Variants in WWC1 observed in about 807,000 individuals in gnomAD.
WWC1 encodes protein KIBRA.
WWC1 carries 55 observed loss-of-function variants against 138.4 expected under a neutral mutation model. The ratio of observed to expected loss-of-function variants is 0.40; its 90% CI spans 0.32 to 0.50. The LOEUF is 0.50. Ranked by LOEUF, WWC1 falls within the 20% of genes least tolerant of loss-of-function variation. The probability of loss-of-function intolerance (pLI) is 0.72; values close to 1 mark genes in which losing one functional copy is unlikely to be tolerated. For missense variants in WWC1, 1,226 were observed against 1,420.4 expected, an observed-to-expected ratio of 0.86 and a Z score of 2.20; for synonymous variants, 524 against 564.9, an observed-to-expected ratio of 0.93 and a Z score of 1.03.
At position 168,431,348 on chromosome 5, in the gene WWC1, G is replaced by A. The variant is rs1781920408; in HGVS notation, c.2184G>A (p.Glu728=). ...LDASDTLVFN[E]VFWVSMSYPA... ...CCTCAGACACTCTAGTGTTCAATGA[G>A]GTGTTCTGGGTATCCATGTCCTATC... The change falls in exon 15 of 23, where the codon GAG becomes GAA. Residue 728 remains glutamate, a synonymous_variant. Transcript: ENST00000265293. 1 of 1,614,176 alleles carries A rather than the reference G, an allele frequency of 6.2e-7. No individual in the cohort carries two copies.
chr5:168,322,174 G>A (rs1317841280), intron 1 of WWC1, among the ~76,000 whole-genome samples: 1 of 152,028 alleles, frequency 6.6e-6, no homozygotes, highest in Non-Finnish European at 1.5e-5. Context: ...CAGCTCTTAG[G>A]AGTCACTGTC....
In WWC1 at chr5:168,470,085, G is replaced by A. The variant is rs961320742; in HGVS notation, c.*1068G>A. On this transcript the variant is annotated 3_prime_UTR_variant, in exon 23 of 23. Coordinates refer to ENST00000265293, the MANE Select transcript of WWC1 (RefSeq NM_015238.3). ...GTCCCCAACCCAGGGGCTGGTAGGT[G>A]CTACAGCTTGTGCTTCATGCTGCTC... is the stretch of plus-strand genomic sequence containing the variant. 2.0e-5 allele frequency: 3 copies of A among 152,048 alleles called. No individual in the cohort carries two copies. Among genetic ancestry groups the A allele is most frequent in the African/African-American group, 7.3e-5 (3 of 41,354 alleles). The allele number at this position is 152,048 out of a possible 1,614,324, so 9.4% of individuals were successfully genotyped here. A position where few individuals can be genotyped will look rare whatever the true frequency, so the allele number is the denominator to read the frequency against.
In WWC1 at chr5:168,467,906, G is replaced by T. The variant is rs1428746343; in HGVS notation, c.3217G>T (p.Asp1073Tyr). 1.2e-6 allele frequency: 2 copies of T among 1,614,136 alleles called. No individual in the cohort carries two copies. Among genetic ancestry groups the T allele is most frequent in the South Asian group, 1.1e-5 (1 of 91,090 alleles). Residue 1073 changes from aspartate to tyrosine, a missense_variant, in exon 22 of 23, where the codon GAT (aspartate) becomes TAT (tyrosine). Coordinates refer to ENST00000265293, the MANE Select transcript of WWC1 (RefSeq NM_015238.3). ...TDKMMRAAAK[D>Y]VHRLRGQSCK... ...CAAGATGATGAGGGCAGCTGCCAAG[G>T]ATGTGCACAGGCTCCGAGGCCAGAG...
At chr5:168,403,463 T>G (rs980395003) in intron 5 of WWC1, among the ~76,000 whole-genome samples, 2 of 152,170 alleles carry the variant, frequency 1.3e-5, no homozygotes, top group Non-Finnish European at 2.9e-5. Flanking sequence ...GCTAAGCTTC[T>G]TTGGGCAGCT....
chr5:168,445,520 T>C (rs1239785255), intron 17 of WWC1, among the ~76,000 whole-genome samples: 3 of 151,656 alleles, frequency 2.0e-5, no homozygotes, highest in African/African-American at 2.4e-5. Context: ...GCCAACATGG[T>C]GAAACCCCAT....
At chr5:168,389,716 T>C (rs1778343430) in intron 3 of WWC1, among the ~76,000 whole-genome samples, 1 of 150,022 alleles carries the variant, frequency 6.7e-6, no homozygotes, top group Admixed American at 6.8e-5. Flanking sequence ...TGGGCAGAAA[T>C]GTTAATAGTA....
chr5:168,352,132 A>G (rs565091229), intron 1 of WWC1, among the ~76,000 whole-genome samples: 1 of 152,292 alleles, frequency 6.6e-6, no homozygotes, highest in African/African-American at 2.4e-5. Context: ...CTCAATTAAC[A>G]TTAACACGCA....
intron 2 of WWC1, among the ~76,000 whole-genome samples, chr5:168,380,337 G>A (rs1777522794): frequency 6.6e-6 from 1 of 152,006 alleles, no homozygotes; most frequent in Admixed American, 6.6e-5. Flanking sequence ...GGGGCATGGT[G>A]GTACATGCCA....
chr5:168,387,640 C>T (rs1431124543), intron 3 of WWC1, among the ~76,000 whole-genome samples: 2 of 152,166 alleles, frequency 1.3e-5, no homozygotes, highest in African/African-American at 4.8e-5. Context: ...GCTGTCTTCC[C>T]GGCTTGCAGA....
At chr5:168,314,906 G>C (rs1026577992) in intron 1 of WWC1, among the ~76,000 whole-genome samples, 1 of 152,206 alleles carries the variant, frequency 6.6e-6, no homozygotes, top group Non-Finnish European at 1.5e-5. Context: ...GCCAGGCCCT[G>C]GCTCACCTGT....
chr5:168,331,543 G>C (rs1773031912), intron 1 of WWC1, among the ~76,000 whole-genome samples: 1 of 152,172 alleles, frequency 6.6e-6, no homozygotes, highest in Non-Finnish European at 1.5e-5. Context: ...CAGTGTGATT[G>C]ATCAGTTTTA....
intron 2 of WWC1, among the ~76,000 whole-genome samples, chr5:168,383,889 G>C (rs1039374592): frequency 1.3e-5 from 2 of 152,062 alleles, no homozygotes; most frequent in Non-Finnish European, 2.9e-5. Context: ...TATCTCGTCA[G>C]CTGCTTTTTT....
intron 1 of WWC1, among the ~76,000 whole-genome samples, chr5:168,305,290 C>G (rs1770452947): frequency 6.6e-6 from 1 of 152,116 alleles, no homozygotes; most frequent in African/African-American, 2.4e-5. Flanking sequence ...TTTTTAATAT[C>G]ATTCCCAAAT....
At chr5:168,418,398 G>A (rs1203053681) in intron 9 of WWC1, among the ~76,000 whole-genome samples, 2 of 152,168 alleles carry the variant, frequency 1.3e-5, no homozygotes, top group Admixed American at 6.5e-5. Context: ...TGCAGCCCAG[G>A]TTCTTACATT....
intron 20 of WWC1, among the ~76,000 whole-genome samples, chr5:168,462,528 G>A (rs1756908546): frequency 6.6e-6 from 1 of 152,216 alleles, no homozygotes. Context: ...CTCCTTAGGG[G>A]CTTCTGGAGC....
chr5:168,298,313 A>T (rs1215722622), intron 1 of WWC1, among the ~76,000 whole-genome samples: 3 of 152,156 alleles, frequency 2.0e-5, no homozygotes, highest in African/African-American at 7.2e-5. Context: ...TGTTAGGATT[A>T]CAGGTGTGAG....
At chr5:168,426,802 G>T (rs1235902065) in intron 11 of WWC1, among the ~76,000 whole-genome samples, 1 of 152,244 alleles carries the variant, frequency 6.6e-6, no homozygotes, top group Non-Finnish European at 1.5e-5. Context: ...CCCTGCTCCG[G>T]TCTGCCCGCA....
rs1324525846 is a variant in WWC1 at position 168,471,619 on chromosome 5, C to T, written c.*2602C>T. On this transcript the variant is annotated 3_prime_UTR_variant, in exon 23 of 23. Coordinates refer to ENST00000265293, the MANE Select transcript of WWC1 (RefSeq NM_015238.3). ...AATGCCCCAAGCTGGCTGTAAGTGA[C>T]CCATCCCTTTGGCTCCCATGATTAG... 6.6e-6 allele frequency: 1 copy of T among 152,278 alleles called. No individual in the cohort carries two copies. Among genetic ancestry groups the T allele is most frequent in the African/African-American group, 2.4e-5 (1 of 41,452 alleles). The allele number at this position is 152,278 out of a possible 1,614,324, so 9.4% of individuals were successfully genotyped here. A position where few individuals can be genotyped will look rare whatever the true frequency, so the allele number is the denominator to read the frequency against.
chr5:168,431,363 C>T lies in WWC1; in HGVS notation c.2199C>T (p.Ser733=). ...TGTTCAATGAGGTGTTCTGGGTATCCATGTCCTATCCAGCCCTTCACCAGA... is the reference window on the plus strand; with the variant it reads ...TGTTCAATGAGGTGTTCTGGGTATCTATGTCCTATCCAGCCCTTCACCAGA... The part of the protein sequence containing the change: ...TLVFNEVFWV[S]MSYPALHQKT... The change falls in exon 15 of 23, where the codon TCC becomes TCT. Residue 733 remains serine (S), a synonymous_variant. Transcript: ENST00000265293. 1 of 1,614,106 alleles carries T rather than the reference C, an allele frequency of 6.2e-7. No homozygotes were observed. The highest frequency in any genetic ancestry group is 8.5e-7 in the Non-Finnish European group (1 of 1,180,018).
Sources: gnomAD v4.1 joint callset for allele counts (sites outside exome capture counted in the v4.1 genomes callset) on GRCh38, gnomAD v4.1.1 for gene constraint, MANE v1.5 for transcripts, NCBI Gene and HGNC (gene_info 2026-07-23, HGNC 2026-07-21) for gene names.